PAPSS1: variants seen among roughly 807,000 people sequenced by gnomAD.
PAPSS1 encodes the protein bifunctional 3'-phosphoadenosine 5'-phosphosulfate synthase 1.
Under a neutral mutation model 72.0 loss-of-function variants are expected in PAPSS1, and 50 were observed. That is an observed-to-expected ratio of 0.69 (90% CI 0.55 to 0.88). The LOEUF (loss-of-function observed/expected upper bound fraction) is 0.88, where lower values mean the gene tolerates loss of function less well. Ranked by LOEUF, PAPSS1 falls within the 40% of genes least tolerant of loss-of-function variation. PAPSS1 has a pLI of 0.00. For missense variants in PAPSS1, 657 were observed against 782.2 expected (o/e 0.84, Z 1.91); for synonymous variants, 261 against 263.6 (o/e 0.99, Z 0.09).
intron 5 of PAPSS1, among the ~76,000 whole-genome samples, chr4:107,660,976 C>A (rs1253593700): frequency 8.6e-5 from 13 of 151,884 alleles, no homozygotes; most frequent in Admixed American, 8.5e-4. Context: ...AAATGTTATC[C>A]AAAAATATAC....
chr4:107,675,390 G>A (rs1727613103), intron 5 of PAPSS1, among the ~76,000 whole-genome samples: 1 of 152,196 alleles, frequency 6.6e-6, no homozygotes, highest in South Asian at 2.1e-4. Context: ...ACTACCATCA[G>A]AGAATACTAT....
At chr4:107,660,515 G>A (rs1004680338) in intron 5 of PAPSS1, among the ~76,000 whole-genome samples, 1 of 152,050 alleles carries the variant, frequency 6.6e-6, no homozygotes, top group African/African-American at 2.4e-5. Context: ...AAGCAACACG[G>A]TATTCTAGAA....
At chr4:107,648,143 G>A (rs149769704) in intron 9 of PAPSS1, among the ~76,000 whole-genome samples, 46 of 152,254 alleles carry the variant, frequency 3.0e-4, no homozygotes, top group Admixed American at 1.1e-3. Context: ...CCTAGTCCAG[G>A]AGCCAATACA....
intron 6 of PAPSS1, among the ~76,000 whole-genome samples, chr4:107,659,577 G>A (rs1336723538): frequency 6.6e-6 from 1 of 152,140 alleles, no homozygotes; most frequent in African/African-American, 2.4e-5. Context: ...ATAAGACAGA[G>A]AGAGTCAAGT....
intron 1 of PAPSS1, 47 bp from the exon 2 acceptor site, chr4:107,701,332 A>G (rs1675855644): frequency 1.7e-6 from 2 of 1,160,428 alleles, no homozygotes; most frequent in African/African-American, 1.5e-5. Context: ...GAGTCCTTTA[A>G]AAGGCAAACA....
intron 2 of PAPSS1, among the ~76,000 whole-genome samples, chr4:107,695,922 A>G (rs1054174314): frequency 4.6e-5 from 7 of 152,234 alleles, no homozygotes; most frequent in African/African-American, 9.6e-5. Flanking sequence ...GGATATGAAC[A>G]GACACTTCTC....
At chr4:107,625,948 G>A (rs2726146) in intron 11 of PAPSS1, among the ~76,000 whole-genome samples, 21,675 of 151,806 alleles carry the variant, frequency 0.14, 3,109 homozygotes, top group African/African-American at 0.38. Context: ...TTGGGAGGCC[G>A]AGGCAGGTGG....
chr4:107,675,447 A>C, intron 5 of PAPSS1, among the ~76,000 whole-genome samples: 1 of 152,220 alleles, frequency 6.6e-6, no homozygotes, highest in Non-Finnish European at 1.5e-5. Flanking sequence ...GAAATGGATA[A>C]ATTCTTTGAC....
In PAPSS1 at chr4:107,645,057, T is replaced by C. The variant is rs781461321; in HGVS notation, c.1251A>G (p.Ala417=). The part of the protein sequence containing the change: ...FKDMNADAVF[A]FQLRNPVHNG... The stretch of plus-strand genomic sequence containing the variant: ...TGTGCACTGGGTTGCGTAGTTGAAA[T>C]GCAAAGACAGCATCTGAAAAGAGAA... Residue 417 remains alanine, a synonymous_variant, in exon 10 of 12, where the codon GCA becomes GCG. Coordinates refer to ENST00000265174, the MANE Select transcript of PAPSS1 (RefSeq NM_005443.5). 6.2e-5 allele frequency: 95 copies of C among 1,522,286 alleles called. No homozygotes were observed. Among genetic ancestry groups the C allele is most frequent in the Middle Eastern group, 1.8e-4 (1 of 5,686 alleles). 94.3% of individuals were successfully genotyped at this position (1,522,286 alleles called of 1,614,324 possible). A position where few individuals can be genotyped will look rare whatever the true frequency, so the allele number is the denominator to read the frequency against.
chr4:107,694,711 G>A (rs1445862311), intron 2 of PAPSS1, among the ~76,000 whole-genome samples: 1 of 152,082 alleles, frequency 6.6e-6, no homozygotes, highest in Non-Finnish European at 1.5e-5. Context: ...ACAATTATCT[G>A]GGAGTCCAAT....
chr4:107,644,940 GC>G lies in PAPSS1; in HGVS notation c.1367del (p.Gly456AlafsTer10). ...AAGGAACATCGTCATCCTTTGTCCAGCCACCCAGAGGGTGGAGGAGGAGGAC... is the reference window on the plus strand; with the variant it reads ...AAGGAACATCGTCATCCTTTGTCCAGCACCCAGAGGGTGGAGGAGGAGGAC... ...RPVLLLHPLG[G>X]WTKDDDVPLM... On this transcript the variant is annotated frameshift_variant, in exon 10 of 12. Transcript: ENST00000265174. LOFTEE classifies it high-confidence loss of function. The G allele has an allele frequency of 1.9e-6, 3 of 1,614,014 alleles. No homozygotes were observed. Among genetic ancestry groups the G allele is most frequent in the Non-Finnish European group, 2.5e-6 (3 of 1,179,914 alleles).
At chr4:107,671,530 G>T (rs1230818840) in intron 5 of PAPSS1, among the ~76,000 whole-genome samples, 2 of 151,830 alleles carry the variant, frequency 1.3e-5, no homozygotes, top group African/African-American at 2.4e-5. Context: ...TATATAAAAT[G>T]GTATCTATTA....
intron 6 of PAPSS1, among the ~76,000 whole-genome samples, chr4:107,658,353 TAA>T (rs5860875): frequency 5.2e-4 from 71 of 135,714 alleles, no homozygotes; most frequent in Non-Finnish European, 5.7e-4. Flanking sequence ...AGACTCCATT[TAA>T]AAAAAAAAAA....
At chr4:107,662,726 T>G (rs1727216694) in intron 5 of PAPSS1, among the ~76,000 whole-genome samples, 1 of 152,184 alleles carries the variant, frequency 6.6e-6, no homozygotes, top group East Asian at 1.9e-4. Context: ...GGAGATTCTC[T>G]TTATGAGAAA....
At chr4:107,645,807 A>G (rs1208771047) in intron 9 of PAPSS1, among the ~76,000 whole-genome samples, 2 of 152,164 alleles carry the variant, frequency 1.3e-5, no homozygotes, top group Non-Finnish European at 2.9e-5. Context: ...CTGACAAAGC[A>G]TCATGCCATG....
intron 1 of PAPSS1, among the ~76,000 whole-genome samples, chr4:107,715,922 G>A (rs556434665): frequency 1.3e-5 from 2 of 152,138 alleles, no homozygotes; most frequent in Non-Finnish European, 2.9e-5. Flanking sequence ...TACAGATGAG[G>A]ATATTGAGAG....
chr4:107,621,932 G>C (rs1329717464), intron 11 of PAPSS1, among the ~76,000 whole-genome samples: 1 of 152,014 alleles, frequency 6.6e-6, no homozygotes, highest in Non-Finnish European at 1.5e-5. Flanking sequence ...CCAGCCGGAA[G>C]ACAGGTTTTT....
chr4:107,687,174 G>A lies in PAPSS1; in HGVS notation c.415C>T (p.Arg139Cys). The part of the protein sequence containing the change: ...TSFISPYTQD[R>C]NNARQIHEGA... The stretch of plus-strand genomic sequence containing the variant: ...TCATGAATTTGCCTTGCATTGTTGC[G>A]ATCCTTAAAAAAAAATAAAATAAAA... Residue 139 changes from arginine (R) to cysteine (C), a missense_variant, in exon 4 of 12, where the codon CGC (arginine) becomes TGC (cysteine). Coordinates refer to ENST00000265174, the MANE Select transcript of PAPSS1 (RefSeq NM_005443.5). 1.3e-6 allele frequency: 2 copies of A among 1,547,632 alleles called. No individual in the cohort carries two copies. Among genetic ancestry groups the A allele is most frequent in the Non-Finnish European group, 1.7e-6 (2 of 1,156,238 alleles).
intron 9 of PAPSS1, among the ~76,000 whole-genome samples, chr4:107,650,632 C>A (rs28654668): frequency 0.24 from 36,754 of 152,022 alleles, 5,066 homozygotes; most frequent in Middle Eastern, 0.34. Context: ...AATAAACTAC[C>A]AGATGTTTCT....
Sources: allele counts gnomAD v4.1 joint callset (sites outside exome capture counted in the v4.1 genomes callset), GRCh38; gene constraint gnomAD v4.1.1; transcripts MANE v1.5; gene names NCBI Gene and HGNC (gene_info 2026-07-23, HGNC 2026-07-21).